Variants in BRAF observed in about 807,000 individuals in gnomAD.
The protein encoded by BRAF is serine/threonine-protein kinase B-raf.
BRAF carries 16 observed loss-of-function variants against 104.6 expected under a neutral mutation model. That is an observed-to-expected ratio of 0.15 (90% confidence interval 0.10 to 0.23). BRAF has a LOEUF of 0.23. BRAF is among the 10% of genes least tolerant of loss of function. BRAF has a pLI of 1.00. For missense variants in BRAF, 541 were observed against 937.3 expected (o/e 0.58, Z 5.52); for synonymous variants, 310 against 341.6 (o/e 0.91, Z 1.02).
intron 19 of BRAF, among the ~76,000 whole-genome samples, chr7:140,729,613 C>T (rs1367555306): frequency 2.6e-5 from 4 of 151,782 alleles, no homozygotes; most frequent in African/African-American, 7.3e-5. Context: ...GAAACTGTTT[C>T]TACTGGGAAA....
Position 140,722,168 on chromosome 7 carries a change from T to C in BRAF, c.*4326A>G, listed in dbSNP as rs536509537. ...ATGTCACTGAACTATATTTGCAACC[T>C]AGTTGCTCTATGTGATAAATATATC... is the stretch of plus-strand genomic sequence containing the variant. On this transcript the variant is annotated 3_prime_UTR_variant, in exon 20 of 20. Coordinates refer to ENST00000644969, the MANE Select transcript of BRAF (RefSeq NM_001374258.1). 4 of 1,061,788 alleles carry C rather than the reference T, an allele frequency of 3.8e-6. No individual in the cohort carries two copies. In the African/African-American group the frequency reaches 6.6e-5, roughly 17 times the overall value. 65.8% of individuals were successfully genotyped at this position (1,061,788 alleles called of 1,614,324 possible). A position where few individuals can be genotyped will look rare whatever the true frequency, so the allele number is the denominator to read the frequency against.
intron 1 of BRAF, among the ~76,000 whole-genome samples, chr7:140,895,645 T>A (rs1563022909): frequency 1.3e-5 from 2 of 152,214 alleles, no homozygotes; most frequent in Admixed American, 6.5e-5. Context: ...AATCAACTCT[T>A]TTTAGCTTCC....
At chr7:140,730,878 T>A (rs1288509244) in intron 19 of BRAF, 1 of 152,212 alleles carries the variant, frequency 6.6e-6, no homozygotes, top group Non-Finnish European at 1.5e-5. Flanking sequence ...TTTGATAAAT[T>A]CCTTAAAGTA....
At chr7:140,883,005 T>A (rs1813117749) in intron 1 of BRAF, among the ~76,000 whole-genome samples, 1 of 146,350 alleles carries the variant, frequency 6.8e-6, no homozygotes, top group Non-Finnish European at 1.5e-5. Flanking sequence ...AAAAATAAAA[T>A]AAAATAAAGT....
intron 2 of BRAF, among the ~76,000 whole-genome samples, chr7:140,847,918 C>T (rs1278883664): frequency 2.0e-5 from 3 of 152,094 alleles, no homozygotes; most frequent in African/African-American, 7.2e-5. Flanking sequence ...CATACCTTTG[C>T]ATACTACATA....
At chr7:140,854,560 T>C (rs28505512) in intron 1 of BRAF, among the ~76,000 whole-genome samples, 4,385 of 151,906 alleles carry the variant, frequency 0.029, 219 homozygotes, top group African/African-American at 0.098. Flanking sequence ...TCTCAAAGGA[T>C]GGGAGAGAGA....
chr7:140,776,651 G>C (rs944464504), intron 14 of BRAF, among the ~76,000 whole-genome samples: 1 of 152,072 alleles, frequency 6.6e-6, no homozygotes, highest in African/African-American at 2.4e-5. Flanking sequence ...AACCTCTCTT[G>C]CTTAGCTCAA....
chr7:140,765,777 A>G (rs926396316), intron 14 of BRAF, among the ~76,000 whole-genome samples: 14 of 152,168 alleles, frequency 9.2e-5, no homozygotes, highest in African/African-American at 3.1e-4. Flanking sequence ...TTAGAATGGC[A>G]ATCATTAAAA....
At chr7:140,827,174 T>C (rs1806151232) in intron 3 of BRAF, among the ~76,000 whole-genome samples, 1 of 152,242 alleles carries the variant, frequency 6.6e-6, no homozygotes, top group African/African-American at 2.4e-5. Flanking sequence ...AAGTTCTACT[T>C]GGTTCTTTCT....
At position 140,924,537 on chromosome 7, in the gene BRAF, G is replaced by T; in HGVS notation, c.138+29C>A. The stretch of plus-strand genomic sequence containing the variant: ...AGCCAGCCGCCGAGCCCGGAGTCGG[G>T]AGGGCGGCAGGGTGGCGCCAGCACT... On this transcript the variant is annotated intron_variant, in intron 1 of 19. Coordinates refer to ENST00000644969, the MANE Select transcript of BRAF (RefSeq NM_001374258.1). This position sits in a 1 kb window ranked among gnomAD's most constrained non-coding sequence, Gnocchi z 4.2. 1 of 1,533,924 alleles carries T rather than the reference G, an allele frequency of 6.5e-7. No homozygotes were observed.
In BRAF at chr7:140,840,296, T is replaced by C. The variant is rs115143881; in HGVS notation, c.241-5424A>G. On this transcript the variant is annotated intron_variant, in intron 2 of 19. Coordinates refer to ENST00000644969, the MANE Select transcript of BRAF (RefSeq NM_001374258.1). The stretch of plus-strand genomic sequence containing the variant: ...TTTGATTAGGCAATGGTCTCTCATG[T>C]ATGATACACCAAAAGCACAGCAACC... Among the ~76,000 whole-genome samples the C allele has an allele frequency of 9.7e-3, 1,476 of 152,184 alleles. 25 individuals are homozygous for C. The highest frequency in any genetic ancestry group is 0.034 in the African/African-American group (1,389 of 41,460).
chr7:140,764,985 C>T (rs1039960864), intron 14 of BRAF, among the ~76,000 whole-genome samples: 1 of 152,294 alleles, frequency 6.6e-6, no homozygotes, highest in East Asian at 1.9e-4. Context: ...GAGCCCGCAT[C>T]ACCAAGGCAA....
At chr7:140,747,367 CT>C in intron 17 of BRAF, 1 of 1,271,846 alleles carries the variant, frequency 7.9e-7, no homozygotes, top group Admixed American at 2.5e-5. Flanking sequence ...AGGCCTTACC[CT>C]TCTGTTGGTC....
intron 1 of BRAF, among the ~76,000 whole-genome samples, chr7:140,918,026 T>G (rs768119855): frequency 3.9e-5 from 6 of 152,220 alleles, no homozygotes; most frequent in Non-Finnish European, 7.3e-5. Flanking sequence ...TTAAGATTGC[T>G]GACCTCTGCC....
chr7:140,778,715 AATG>A (rs1198377981), intron 12 of BRAF, among the ~76,000 whole-genome samples: 1 of 151,400 alleles, frequency 6.6e-6, no homozygotes, highest in Non-Finnish European at 1.5e-5. Context: ...AAAAAAAGAA[AATG>A]ATATTTTATT....
chr7:140,874,175 A>C lies in BRAF; in HGVS notation c.139-23963T>G, dbSNP rs934349736. The stretch of plus-strand genomic sequence containing the variant: ...GAGGACAAGGATCTGAATCATCATG[A>C]AACCATCAGTGAGTTTACATTTTAC... On this transcript the variant is annotated intron_variant, in intron 1 of 19. Transcript: ENST00000644969. 2.8e-4 allele frequency among the ~76,000 whole-genome samples: 43 copies of C among 152,006 alleles called. 1 individual carries two copies. The highest frequency in any genetic ancestry group is 1.5e-5 in the Non-Finnish European group (1 of 68,008).
At position 140,745,566 on chromosome 7, in the gene BRAF, G is replaced by C. The variant is rs958567003; in HGVS notation, c.2112+3721C>G. On this transcript the variant is annotated intron_variant, in intron 17 of 19. Transcript: ENST00000644969. ...ACCAATACCCCAGCTTCAAATTCTG[G>C]GACTGATTTTTCATACTTTCAATAC... is the stretch of plus-strand genomic sequence containing the variant. 2.0e-5 allele frequency among the ~76,000 whole-genome samples: 3 copies of C among 152,046 alleles called. No individual in the cohort carries two copies. In the East Asian group the frequency reaches 5.8e-4, roughly 29 times the overall value.
chr7:140,882,065 C>A (rs908914125), intron 1 of BRAF, among the ~76,000 whole-genome samples: 2 of 152,048 alleles, frequency 1.3e-5, no homozygotes, highest in African/African-American at 4.8e-5. Flanking sequence ...TGTAAGGCTG[C>A]CACCAACCTT....
chr7:140,786,691 T>C (rs996379536), intron 9 of BRAF, among the ~76,000 whole-genome samples: 2 of 152,150 alleles, frequency 1.3e-5, no homozygotes. Flanking sequence ...TTCTATAAAA[T>C]GTACATTTAA....
Sources: gnomAD v4.1 joint callset for allele counts (sites outside exome capture counted in the v4.1 genomes callset) on GRCh38, gnomAD v4.1.1 for gene constraint, Gnocchi (gnomAD v3.1) non-coding constraint, MANE v1.5 for transcripts, NCBI Gene and HGNC (gene_info 2026-07-23, HGNC 2026-07-21) for gene names.